The following LRFN2 variants were observed in gnomAD, a reference collection of about 807,000 sequenced individuals.
LRFN2 encodes leucine-rich repeat and fibronectin type-III domain-containing protein 2.
A neutral mutation model predicts 37.3 loss-of-function variants in LRFN2; 18 were observed. The ratio of observed to expected loss-of-function variants is 0.48; its 90% CI spans 0.33 to 0.72. LRFN2 has a LOEUF of 0.72. LRFN2 is among the 30% of genes least tolerant of loss of function. The pLI, the probability that LRFN2 is intolerant of heterozygous loss-of-function variation, is 0.02. For synonymous variants in LRFN2, 556 were observed against 466.6 expected, an observed-to-expected ratio of 1.19 and a Z score of -2.47; for missense variants, 1,006 against 1,060.7, an observed-to-expected ratio of 0.95 and a Z score of 0.72.
chr6:40,454,868 G>A (rs1561862853), intron 1 of LRFN2, among the ~76,000 whole-genome samples: 3 of 152,172 alleles, frequency 2.0e-5, no homozygotes, highest in African/African-American at 7.2e-5. Context: ...AATGCATAGT[G>A]AGATCCTATT....
chr6:40,509,010 G>A (rs1765619523), intron 1 of LRFN2, among the ~76,000 whole-genome samples: 2 of 152,252 alleles, frequency 1.3e-5, no homozygotes, highest in Admixed American at 6.5e-5. Flanking sequence ...CAACCAGTGG[G>A]GCCTATCCTC....
At chr6:40,440,169 G>A (rs1763798614) in intron 1 of LRFN2, among the ~76,000 whole-genome samples, 1 of 151,924 alleles carries the variant, frequency 6.6e-6, no homozygotes, top group African/African-American at 2.4e-5. Flanking sequence ...ACATCAAAAG[G>A]GCAGAATGAG....
intron 1 of LRFN2, among the ~76,000 whole-genome samples, chr6:40,521,066 TAG>T (rs1581774037): frequency 6.6e-6 from 1 of 151,640 alleles, no homozygotes; most frequent in Non-Finnish European, 1.5e-5. Flanking sequence ...GCCGCGTCGC[TAG>T]AGAGACACAA....
intron 1 of LRFN2, among the ~76,000 whole-genome samples, chr6:40,496,509 C>G (rs1765231723): frequency 6.6e-6 from 1 of 152,050 alleles, no homozygotes. Flanking sequence ...CTGGACTCAG[C>G]TCATTCCAGT....
At chr6:40,467,035 C>A (rs113124217) in intron 1 of LRFN2, among the ~76,000 whole-genome samples, 1 of 152,018 alleles carries the variant, frequency 6.6e-6, no homozygotes, top group Non-Finnish European at 1.5e-5. Context: ...CCAACCCTGC[C>A]GACCCCTGGA....
intron 1 of LRFN2, among the ~76,000 whole-genome samples, chr6:40,524,266 T>A (rs1766177706): frequency 6.6e-6 from 1 of 152,176 alleles, no homozygotes; most frequent in African/African-American, 2.4e-5. Context: ...GTCAATTCAG[T>A]TATCCCCCTG....
intron 1 of LRFN2, among the ~76,000 whole-genome samples, chr6:40,532,298 T>C (rs1282467516): frequency 1.3e-5 from 2 of 152,232 alleles, no homozygotes; most frequent in Non-Finnish European, 2.9e-5. Context: ...CCACACAGTA[T>C]AGGAATATAA....
chr6:40,431,299 C>A (rs1470250883), intron 2 of LRFN2, among the ~76,000 whole-genome samples: 2 of 152,198 alleles, frequency 1.3e-5, no homozygotes, highest in Non-Finnish European at 2.9e-5. Flanking sequence ...AGAGCCTTAA[C>A]CATGACTGCA....
chr6:40,504,472 G>C (rs189358424), intron 1 of LRFN2, among the ~76,000 whole-genome samples: 1 of 152,282 alleles, frequency 6.6e-6, no homozygotes, highest in African/African-American at 2.4e-5. Context: ...TCATACTAAA[G>C]AAGTGGGCGT....
At chr6:40,571,079 T>C (rs1767178176) in intron 1 of LRFN2, among the ~76,000 whole-genome samples, 1 of 152,224 alleles carries the variant, frequency 6.6e-6, no homozygotes, top group Non-Finnish European at 1.5e-5. Context: ...GAATCACCTC[T>C]TGCTGGAAGC....
At chr6:40,416,977 C>A (rs1010203882) in intron 2 of LRFN2, among the ~76,000 whole-genome samples, 2 of 152,162 alleles carry the variant, frequency 1.3e-5, no homozygotes, top group African/African-American at 2.4e-5. Flanking sequence ...TAAACCTGGG[C>A]GCTCCTGCTT....
chr6:40,450,212 C>T (rs1420437274), intron 1 of LRFN2, among the ~76,000 whole-genome samples: 11 of 152,218 alleles, frequency 7.2e-5, no homozygotes. Context: ...CTCACCTTCC[C>T]TACCTCGGAG....
chr6:40,573,716 G>A (rs938187856), intron 1 of LRFN2, among the ~76,000 whole-genome samples: 29 of 152,302 alleles, frequency 1.9e-4, no homozygotes, highest in East Asian at 5.8e-4. Flanking sequence ...AGTGGCTCAC[G>A]CCTGTAATCC....
intron 1 of LRFN2, among the ~76,000 whole-genome samples, chr6:40,470,609 A>C (rs1465056027): frequency 2.0e-5 from 2 of 99,366 alleles, no homozygotes; most frequent in African/African-American, 8.5e-5. Flanking sequence ...ACTCTGTCTC[A>C]AAAAAAAAAA....
At chr6:40,450,010 C>T (rs1015327777) in intron 1 of LRFN2, among the ~76,000 whole-genome samples, 1 of 152,178 alleles carries the variant, frequency 6.6e-6, no homozygotes, top group Non-Finnish European at 1.5e-5. Flanking sequence ...CAGCCCCCTC[C>T]CTGAGAAATG....
Position 40,536,808 on chromosome 6 carries a change from C to T in LRFN2, c.-19+50133G>A, listed in dbSNP as rs538895134. On this transcript the variant is annotated intron_variant, in intron 1 of 2. Coordinates refer to ENST00000338305, the MANE Select transcript of LRFN2 (RefSeq NM_020737.3). ...TCAGAGGGTGTGGAGCCTCCAAGAC[C>T]TTGAGCCTTATCTCCTGGCCCCTGG... is the stretch of plus-strand genomic sequence containing the variant. Among the ~76,000 whole-genome samples, 118 of 152,272 alleles carry T rather than the reference C, an allele frequency of 7.7e-4. 1 individual carries two copies. The South Asian group carries it at 0.024, about 31-fold the overall frequency.
At chr6:40,393,150 G>A (rs1484014653) in intron 2 of LRFN2, among the ~76,000 whole-genome samples, 3 of 151,486 alleles carry the variant, frequency 2.0e-5, no homozygotes, top group Non-Finnish European at 4.4e-5. Context: ...GGAGGGGCAG[G>A]GGCAGGCAGG....
chr6:40,413,434 T>TG (rs915859931), intron 2 of LRFN2, among the ~76,000 whole-genome samples: 5 of 152,142 alleles, frequency 3.3e-5, no homozygotes, highest in African/African-American at 1.2e-4. Context: ...GCAGTAGCTC[T>TG]GGGGGGATGA....
At chr6:40,501,698 G>A (rs998762913) in intron 1 of LRFN2, 3 of 151,934 alleles carry the variant, frequency 2.0e-5, no homozygotes, top group African/African-American at 7.3e-5. Context: ...AATATTCCAG[G>A]GTATGGATTC....
Sources: gnomAD v4.1 joint callset for allele counts (sites outside exome capture counted in the v4.1 genomes callset) on GRCh38, gnomAD v4.1.1 for gene constraint, MANE v1.5 for transcripts, NCBI Gene and HGNC (gene_info 2026-07-23, HGNC 2026-07-21) for gene names.